The following SCAF8 variants were observed in gnomAD, a reference collection of about 807,000 sequenced individuals.
SCAF8 encodes the protein SR-related and CTD-associated factor 8.
In SCAF8, 23 loss-of-function variants were observed where a neutral mutation model predicts 140.5. The ratio of observed to expected loss-of-function variants is 0.16; its 90% CI spans 0.12 to 0.23. SCAF8 has a LOEUF of 0.23. SCAF8 is among the 10% of genes least tolerant of loss of function. The probability of loss-of-function intolerance (pLI) is 1.00; values close to 1 mark genes in which losing one functional copy is unlikely to be tolerated. For missense variants in SCAF8, 1,397 were observed against 1,555.7 expected, an observed-to-expected ratio of 0.90 and a Z score of 1.72; for synonymous variants, 575 against 528.9, an observed-to-expected ratio of 1.09 and a Z score of -1.20.
At chr6:154,784,832 A>G (rs1016682228) in intron 3 of SCAF8, among the ~76,000 whole-genome samples, 3 of 152,152 alleles carry the variant, frequency 2.0e-5, no homozygotes, top group East Asian at 1.9e-4. Context: ...TGAAATTTCT[A>G]TGTACATCTG....
intron 1 of SCAF8, among the ~76,000 whole-genome samples, chr6:154,770,482 G>GACCCAGT (rs1490715076): frequency 6.6e-6 from 1 of 151,632 alleles, no homozygotes; most frequent in Non-Finnish European, 1.5e-5. Flanking sequence ...GAGGTAGGAG[G>GACCCAGT]ACCCGTTGAG....
At chr6:154,803,514 A>G (rs746347850) in intron 7 of SCAF8, 30 bp from the exon 8 acceptor site, 2 of 1,520,862 alleles carry the variant, frequency 1.3e-6, no homozygotes, top group South Asian at 1.1e-5. Context: ...AGCACTTTTT[A>G]ATATGTCTGT....
intron 4 of SCAF8, among the ~76,000 whole-genome samples, chr6:154,789,879 A>AT (rs2114873841): frequency 1.3e-5 from 2 of 152,314 alleles, no homozygotes; most frequent in South Asian, 4.1e-4. Flanking sequence ...GTCATAATTG[A>AT]TTTTTAAAAT....
chr6:154,823,217 T>C (rs1424351066), intron 16 of SCAF8, among the ~76,000 whole-genome samples: 2 of 152,132 alleles, frequency 1.3e-5, no homozygotes, highest in African/African-American at 4.8e-5. Context: ...GGATGGTGGG[T>C]CTTTACATGT....
intron 1 of SCAF8, among the ~76,000 whole-genome samples, chr6:154,739,086 A>T (rs1778502079): frequency 1.3e-5 from 2 of 152,182 alleles, no homozygotes; most frequent in Admixed American, 1.3e-4. Flanking sequence ...CCTGGGCTCA[A>T]GTGATCTTCC....
intron 1 of SCAF8, among the ~76,000 whole-genome samples, chr6:154,763,865 T>C (rs1776477202): frequency 2.0e-5 from 3 of 152,294 alleles, no homozygotes; most frequent in African/African-American, 7.2e-5. Context: ...AAATTGTTTA[T>C]GGCTGTTTTC....
chr6:154,784,132 T>G (rs1453556441), intron 3 of SCAF8, among the ~76,000 whole-genome samples: 2 of 74,102 alleles, frequency 2.7e-5, no homozygotes, highest in African/African-American at 1.9e-4. Context: ...TATATATATA[T>G]ATATATATAT....
chr6:154,734,069 G>T, intron 1 of SCAF8, 139 bp downstream of exon 1: 1 of 1,305,484 alleles, frequency 7.7e-7, no homozygotes, highest in South Asian at 2.1e-5. Flanking sequence ...GCCCGTGGGG[G>T]AGGGGTGTTT....
At chr6:154,769,411 G>A in intron 1 of SCAF8, among the ~76,000 whole-genome samples, 1 of 152,202 alleles carries the variant, frequency 6.6e-6, no homozygotes. Context: ...AAGAAGTAAT[G>A]TGTTGTCAAG....
chr6:154,786,815 C>G (rs1055094370), intron 3 of SCAF8, among the ~76,000 whole-genome samples: 2 of 152,172 alleles, frequency 1.3e-5, no homozygotes, highest in African/African-American at 4.8e-5. Flanking sequence ...TGATTCTTCT[C>G]TCAGGTTTCT....
intron 6 of SCAF8, among the ~76,000 whole-genome samples, chr6:154,797,486 C>T (rs1200372542): frequency 6.6e-6 from 1 of 151,416 alleles, no homozygotes; most frequent in African/African-American, 2.4e-5. Flanking sequence ...ACCTCTGCCT[C>T]CCAGGTTCAA....
intron 1 of SCAF8, among the ~76,000 whole-genome samples, chr6:154,749,705 G>C (rs1778792881): frequency 6.6e-6 from 1 of 152,100 alleles, no homozygotes; most frequent in African/African-American, 2.4e-5. Context: ...TTGGATAATT[G>C]AGCCTGGGTT....
At chr6:154,773,323 C>T (rs1214985649) in intron 1 of SCAF8, among the ~76,000 whole-genome samples, 1 of 152,152 alleles carries the variant, frequency 6.6e-6, no homozygotes, top group Non-Finnish European at 1.5e-5. Context: ...CCTTTTTCAC[C>T]TGACTTCTCT....
At chr6:154,753,029 A>G (rs915571682) in intron 1 of SCAF8, among the ~76,000 whole-genome samples, 2 of 151,326 alleles carry the variant, frequency 1.3e-5, no homozygotes, top group Non-Finnish European at 2.9e-5. Context: ...TTTTTAATTT[A>G]CCAGAAGGTA....
intron 1 of SCAF8, among the ~76,000 whole-genome samples, chr6:154,736,083 C>T (rs1260889342): frequency 6.6e-6 from 1 of 151,984 alleles, no homozygotes; most frequent in Admixed American, 6.6e-5. Context: ...ACCTTGGCAT[C>T]CCAAGTGCTG....
chr6:154,736,135 T>A (rs1453281005), intron 1 of SCAF8, among the ~76,000 whole-genome samples: 2 of 151,816 alleles, frequency 1.3e-5, no homozygotes, highest in East Asian at 3.9e-4. Context: ...GATTTCGTTT[T>A]GTTTTGTTTT....
At chr6:154,823,256 G>A (rs1242183328) in intron 16 of SCAF8, among the ~76,000 whole-genome samples, 1 of 152,110 alleles carries the variant, frequency 6.6e-6, no homozygotes, top group African/African-American at 2.4e-5. Flanking sequence ...AAGATGAGGA[G>A]TCATTGGAGG....
chr6:154,797,938 C>G (rs895092141), intron 6 of SCAF8, among the ~76,000 whole-genome samples: 1 of 151,346 alleles, frequency 6.6e-6, no homozygotes, highest in African/African-American at 2.4e-5. Context: ...AATTTTCATA[C>G]GTCTCACCCT....
intron 1 of SCAF8, among the ~76,000 whole-genome samples, chr6:154,764,826 A>C (rs1050677304): frequency 5.3e-5 from 8 of 152,216 alleles, no homozygotes; most frequent in Non-Finnish European, 8.8e-5. Context: ...GCGTAAAACC[A>C]TGATTTTTTA....
Sources: gnomAD v4.1 joint callset for allele counts (sites outside exome capture counted in the v4.1 genomes callset) on GRCh38, gnomAD v4.1.1 for gene constraint, MANE v1.5 for transcripts, NCBI Gene and HGNC (gene_info 2026-07-23, HGNC 2026-07-21) for gene names.